Variants in ZNF280D observed in about 807,000 individuals in gnomAD.
ZNF280D encodes the protein zinc finger protein 280D.
A neutral mutation model predicts 94.7 loss-of-function variants in ZNF280D; 39 were observed. The observed-to-expected ratio is 0.41, with a 90% CI of 0.32 to 0.54. The LOEUF (loss-of-function observed/expected upper bound fraction) is 0.54, where lower values mean the gene tolerates loss of function less well. Among genes scored for constraint, ZNF280D ranks in the 20% least tolerant of loss-of-function variants. ZNF280D has a pLI of 0.22. For synonymous variants in ZNF280D, 398 were observed against 377.6 expected (o/e 1.05, Z -0.63); for missense variants, 1,090 against 1,149.3 (o/e 0.95, Z 0.75).
chr15:56,646,004 C>T (rs2052869533), intron 19 of ZNF280D, among the ~76,000 whole-genome samples: 1 of 152,144 alleles, frequency 6.6e-6, no homozygotes. Context: ...TTTCTGATGA[C>T]ATTTAAAAGC....
intron 10 of ZNF280D, among the ~76,000 whole-genome samples, chr15:56,679,831 G>A (rs1418546511): frequency 6.6e-6 from 1 of 152,002 alleles, no homozygotes; most frequent in African/African-American, 2.4e-5. Flanking sequence ...CTTTAGAGTG[G>A]GCTATGGTAC....
chr15:56,677,661 G>A lies in ZNF280D; in HGVS notation c.1176C>T (p.Ile392=). Residue 392 remains isoleucine (I), a synonymous_variant, in exon 12 of 22, where the codon ATC becomes ATT. Coordinates refer to ENST00000267807, the MANE Select transcript of ZNF280D (RefSeq NM_017661.4). The part of the protein sequence containing the change: ...TPHEFSTICK[I]CELSFETEHV... ...GTTCTGTTTCAAATGACAATTCACA[G>A]ATTTTACAAATAGCTAAATGTGGGA... is the stretch of plus-strand genomic sequence containing the variant. 6.3e-7 allele frequency: 1 copy of A among 1,581,636 alleles called. No homozygotes were observed. Among genetic ancestry groups the A allele is most frequent in the Non-Finnish European group, 8.6e-7 (1 of 1,160,722 alleles).
intron 14 of ZNF280D, among the ~76,000 whole-genome samples, chr15:56,667,574 A>G (rs2054380547): frequency 6.6e-6 from 1 of 152,196 alleles, no homozygotes; most frequent in Non-Finnish European, 1.5e-5. Context: ...TAGTATTCAG[A>G]ATGAGAAAAT....
intron 3 of ZNF280D, among the ~76,000 whole-genome samples, chr15:56,706,345 G>T (rs1353599129): frequency 6.6e-6 from 1 of 151,390 alleles, no homozygotes; most frequent in African/African-American, 2.4e-5. Flanking sequence ...AGGCGTGGTG[G>T]CGAGTAACTG....
chr15:56,654,013 A>G, intron 19 of ZNF280D, 185 bp downstream of exon 19: 1 of 1,440,320 alleles, frequency 6.9e-7, no homozygotes, highest in Non-Finnish European at 9.1e-7. Context: ...GGAAATTCCA[A>G]CTTGTCTTGC....
intron 13 of ZNF280D, among the ~76,000 whole-genome samples, chr15:56,669,903 ATATATATATATTATATATATAT>A (rs2054621333): frequency 3.9e-4 from 1 of 2,552 alleles, no homozygotes; most frequent in African/African-American, 1.1e-3. Context: ...TATATATATA[ATATATATATATTATATATATAT>A]TATATATATA....
At chr15:56,635,110 T>C (rs1158844333) in intron 21 of ZNF280D, 85 bp downstream of exon 21, 4 of 771,768 alleles carry the variant, frequency 5.2e-6, no homozygotes, top group East Asian at 3.1e-5. Context: ...AAATAGTCCT[T>C]TGCCAGTTAA....
chr15:56,691,532 A>C (rs555073618), intron 7 of ZNF280D, among the ~76,000 whole-genome samples: 1 of 152,258 alleles, frequency 6.6e-6, no homozygotes, highest in East Asian at 1.9e-4. Context: ...ATTTGTTTTA[A>C]ATTTTGATGC....
intron 6 of ZNF280D, among the ~76,000 whole-genome samples, chr15:56,696,720 A>G (rs1387341245): frequency 6.6e-6 from 1 of 152,236 alleles, no homozygotes; most frequent in Non-Finnish European, 1.5e-5. Context: ...AGGATTCTCA[A>G]TTCATTCCAG....
chr15:56,631,422 G>T lies in ZNF280D; in HGVS notation c.*76C>A. 6.7e-7 allele frequency: 1 copy of T among 1,482,754 alleles called. No homozygotes were observed. Among genetic ancestry groups the T allele is most frequent in the Non-Finnish European group, 9.2e-7 (1 of 1,087,376 alleles). 91.8% of individuals were successfully genotyped at this position (1,482,754 alleles called of 1,614,324 possible). ...TATTTCCATTTCTGAACCTACAACA[G>T]CACCACTGAGCTCACCTGATAGCAC... On this transcript the variant is annotated 3_prime_UTR_variant, in exon 22 of 22. Transcript: ENST00000267807.
At chr15:56,722,926 T>C (rs2058443854) in intron 1 of ZNF280D, among the ~76,000 whole-genome samples, 1 of 151,732 alleles carries the variant, frequency 6.6e-6, no homozygotes, top group Admixed American at 6.6e-5. Flanking sequence ...ATGTCCTTTG[T>C]AGGGACATGG....
intron 9 of ZNF280D, among the ~76,000 whole-genome samples, chr15:56,682,898 C>T (rs1371877596): frequency 1.3e-5 from 2 of 151,814 alleles, no homozygotes; most frequent in African/African-American, 4.8e-5. Context: ...TATAAAATTT[C>T]ATAAAGCCTG....
intron 6 of ZNF280D, among the ~76,000 whole-genome samples, chr15:56,693,711 C>T (rs538854025): frequency 6.6e-6 from 1 of 152,102 alleles, no homozygotes; most frequent in South Asian, 2.1e-4. Context: ...AGCTTCTATG[C>T]TTCTAAAAAC....
intron 1 of ZNF280D, among the ~76,000 whole-genome samples, chr15:56,719,671 A>G (rs2058241266): frequency 6.6e-6 from 1 of 151,986 alleles, no homozygotes; most frequent in Non-Finnish European, 1.5e-5. Context: ...ATTTAAACGC[A>G]CCTCAAATTC....
At chr15:56,633,418 T>C (rs1443378403) in intron 21 of ZNF280D, among the ~76,000 whole-genome samples, 1 of 152,000 alleles carries the variant, frequency 6.6e-6, no homozygotes, top group African/African-American at 2.4e-5. Context: ...TTTTAATATG[T>C]AAAAGATATT....
intron 4 of ZNF280D, among the ~76,000 whole-genome samples, chr15:56,702,428 A>G (rs1163802823): frequency 6.6e-6 from 1 of 152,144 alleles, no homozygotes; most frequent in African/African-American, 2.4e-5. Context: ...CAATAAAACC[A>G]TTTAAATTAT....
chr15:56,633,913 T>A (rs1205256161), intron 21 of ZNF280D: 1 of 152,192 alleles, frequency 6.6e-6, no homozygotes, highest in Non-Finnish European at 1.5e-5. Context: ...GTTTATTAAA[T>A]TCATAATTTA....
At position 56,701,033 on chromosome 15, in the gene ZNF280D, G is replaced by A. The variant is rs201400339; in HGVS notation, c.281C>T (p.Thr94Met). ...AAFKPTSQHY[T>M]NPTSNPVPAS... ...AGGCACTGGATTTGATGTTGGATTC[G>A]TGTAGTGTTGACTTGTAGGCTTGAA... Residue 94 changes from threonine to methionine, a missense_variant, in exon 6 of 22, where the codon ACG becomes ATG. Thr to Met is a moderately conservative substitution (Grantham distance 81). Transcript: ENST00000267807. 26 of 1,613,824 alleles carry A rather than the reference G, an allele frequency of 1.6e-5. No homozygotes were observed. Among genetic ancestry groups the A allele is most frequent in the Middle Eastern group, 3.3e-4 (2 of 6,058 alleles).
At chr15:56,720,972 G>C (rs765363412) in intron 1 of ZNF280D, among the ~76,000 whole-genome samples, 16 of 51,092 alleles carry the variant, frequency 3.1e-4, no homozygotes, top group African/African-American at 8.3e-4. Context: ...ATTTTTTTTG[G>C]GGGGGGGGGG....
Sources: gnomAD v4.1 joint callset for allele counts (sites outside exome capture counted in the v4.1 genomes callset) on GRCh38, gnomAD v4.1.1 for gene constraint, MANE v1.5 for transcripts, NCBI Gene and HGNC (gene_info 2026-07-23, HGNC 2026-07-21) for gene names.